Variants in AGBL4 observed in about 807,000 individuals in gnomAD.
AGBL4 encodes the protein AGBL carboxypeptidase 4.
A neutral mutation model predicts 66.4 loss-of-function variants in AGBL4; 58 were observed. The observed-to-expected ratio is 0.87, with a 90% CI of 0.71 to 1.09. AGBL4 has a LOEUF of 1.09. Ranked by LOEUF, AGBL4 falls within the 50% of genes least tolerant of loss-of-function variation. The probability of loss-of-function intolerance (pLI) is 0.00; values close to 1 mark genes in which losing one functional copy is unlikely to be tolerated. For missense variants in AGBL4, 579 were observed against 631.0 expected (o/e 0.92, Z 0.88); for synonymous variants, 234 against 222.9 (o/e 1.05, Z -0.44).
intron 5 of AGBL4, among the ~76,000 whole-genome samples, chr1:48,995,377 T>C (rs1660923039): frequency 6.6e-6 from 1 of 152,206 alleles, no homozygotes; most frequent in African/African-American, 2.4e-5. Context: ...AGGGATCTAA[T>C]AGGTCAGTCT....
intron 1 of AGBL4, among the ~76,000 whole-genome samples, chr1:49,887,220 A>G (rs1018836553): frequency 1.3e-5 from 2 of 150,230 alleles, no homozygotes; most frequent in African/African-American, 4.9e-5. Flanking sequence ...CATTGTGTGT[A>G]TATATATACA....
chr1:48,621,027 C>T (rs113435334), intron 9 of AGBL4, among the ~76,000 whole-genome samples: 195 of 152,202 alleles, frequency 1.3e-3, no homozygotes, highest in African/African-American at 4.1e-3. Context: ...GTCCTTCTGG[C>T]TGACAGGGCA....
chr1:49,173,046 G>A (rs1646767398), intron 4 of AGBL4, among the ~76,000 whole-genome samples: 1 of 152,126 alleles, frequency 6.6e-6, no homozygotes, highest in South Asian at 2.1e-4. Context: ...TTGAACCCAG[G>A]AGGCAGAGGT....
At chr1:49,907,511 AATT>A (rs1464012293) in intron 1 of AGBL4, among the ~76,000 whole-genome samples, 5 of 152,106 alleles carry the variant, frequency 3.3e-5, no homozygotes, top group African/African-American at 1.2e-4. Context: ...CTTAGGTAGG[AATT>A]ATTATCTTAA....
intron 1 of AGBL4, among the ~76,000 whole-genome samples, chr1:49,896,457 G>C (rs913870886): frequency 1.5e-5 from 2 of 134,716 alleles, no homozygotes; most frequent in Admixed American, 1.6e-4. Flanking sequence ...AAACCTGATG[G>C]CTTCACTGAT....
intron 2 of AGBL4, among the ~76,000 whole-genome samples, chr1:49,809,111 G>A (rs144015015): frequency 1.0e-3 from 154 of 152,044 alleles, no homozygotes; most frequent in Non-Finnish European, 1.7e-3. Flanking sequence ...ATTGCAATCG[G>A]TTTTCAACTA....
intron 3 of AGBL4, among the ~76,000 whole-genome samples, chr1:49,696,447 GA>G (rs1278398052): frequency 6.6e-6 from 1 of 152,010 alleles, no homozygotes; most frequent in African/African-American, 2.4e-5. Flanking sequence ...CCCTCATCTG[GA>G]AATCGAAAAT....
chr1:48,591,646 C>G (rs1376497802), intron 9 of AGBL4, among the ~76,000 whole-genome samples: 1 of 152,054 alleles, frequency 6.6e-6, no homozygotes, highest in African/African-American at 2.4e-5. Context: ...AATGCATGCC[C>G]AACAGCATTC....
intron 6 of AGBL4, among the ~76,000 whole-genome samples, chr1:48,792,866 C>A (rs1645584739): frequency 6.6e-6 from 1 of 152,150 alleles, no homozygotes; most frequent in East Asian, 1.9e-4. Context: ...ACCTTGATGT[C>A]CCACAGACAC....
chr1:49,702,148 C>T (rs551995427), intron 2 of AGBL4, among the ~76,000 whole-genome samples: 1 of 152,020 alleles, frequency 6.6e-6, no homozygotes, highest in Non-Finnish European at 1.5e-5. Flanking sequence ...ATTCTATGTC[C>T]AAATGTTTTC....
At chr1:49,172,804 G>C (rs1178900723) in intron 4 of AGBL4, among the ~76,000 whole-genome samples, 2 of 152,080 alleles carry the variant, frequency 1.3e-5, no homozygotes, top group East Asian at 3.9e-4. Context: ...GGTTTAAGTA[G>C]GATAAAAGCA....
At chr1:48,532,020 G>C (rs12124101), downstream of AGBL4, among the ~76,000 whole-genome samples, 76,963 of 151,862 alleles carry the variant, frequency 0.51, 19,772 homozygotes, top group Middle Eastern at 0.67. Flanking sequence ...CTGACCTCAG[G>C]TGATTCTCCC....
chr1:49,433,175 A>T (rs1402087646), intron 3 of AGBL4, among the ~76,000 whole-genome samples: 1 of 152,120 alleles, frequency 6.6e-6, no homozygotes, highest in Admixed American at 6.6e-5. Context: ...CTGGTAAAGG[A>T]AAGTGTTTTC....
intron 3 of AGBL4, among the ~76,000 whole-genome samples, chr1:49,476,719 A>T (rs747092796): frequency 3.3e-5 from 5 of 152,166 alleles, no homozygotes; most frequent in Non-Finnish European, 1.5e-5. Context: ...TAATATAAGA[A>T]TAGTGATCTC....
At chr1:49,022,964 G>T (rs2149024493) in intron 5 of AGBL4, among the ~76,000 whole-genome samples, 1 of 152,252 alleles carries the variant, frequency 6.6e-6, no homozygotes, top group South Asian at 2.1e-4. Context: ...GATAAATGTT[G>T]AAAACAGTGC....
intron 4 of AGBL4, among the ~76,000 whole-genome samples, chr1:49,046,229 G>T (rs1644076960): frequency 6.6e-6 from 1 of 152,156 alleles, no homozygotes; most frequent in Non-Finnish European, 1.5e-5. Flanking sequence ...TTCTAAAAGT[G>T]CCTTGAAGGT....
intron 3 of AGBL4, among the ~76,000 whole-genome samples, chr1:49,248,777 C>T (rs948256986): frequency 6.6e-6 from 1 of 152,012 alleles, no homozygotes; most frequent in African/African-American, 2.4e-5. Context: ...ATTTATTGAG[C>T]GTTTCCTCTT....
At chr1:49,729,911 C>A (rs534927967) in intron 2 of AGBL4, among the ~76,000 whole-genome samples, 1 of 152,226 alleles carries the variant, frequency 6.6e-6, no homozygotes, top group South Asian at 2.1e-4. Context: ...CAATTTAAAG[C>A]CTGAAAATGA....
intron 3 of AGBL4, among the ~76,000 whole-genome samples, chr1:49,378,922 T>C (rs1450308368): frequency 6.6e-6 from 1 of 152,078 alleles, no homozygotes; most frequent in Non-Finnish European, 1.5e-5. Flanking sequence ...CTGTTAATGA[T>C]TCTCTCCAGA....
Sources: gnomAD v4.1 joint callset for allele counts (sites outside exome capture counted in the v4.1 genomes callset) on GRCh38, gnomAD v4.1.1 for gene constraint, MANE v1.5 for transcripts, NCBI Gene and HGNC (gene_info 2026-07-23, HGNC 2026-07-21) for gene names.